The following OVCH1 variants were observed in gnomAD, a reference collection of about 807,000 sequenced individuals.
OVCH1 encodes ovochymase-1.
OVCH1 carries 139 observed loss-of-function variants against 138.4 expected under a neutral mutation model. That is an observed-to-expected ratio of 1.00 (90% CI 0.87 to 1.16). The LOEUF (loss-of-function observed/expected upper bound fraction) is 1.16, where lower values mean the gene tolerates loss of function less well. OVCH1 is among the 50% of genes most tolerant of loss of function. The probability of loss-of-function intolerance (pLI) is 0.00; values close to 1 mark genes in which losing one functional copy is unlikely to be tolerated. For missense variants in OVCH1, 1,367 were observed against 1,357.9 expected (o/e 1.01, Z -0.11); for synonymous variants, 453 against 467.8 (o/e 0.97, Z 0.41).
intron 12 of OVCH1, 142 bp downstream of exon 12, chr12:29,476,957 TTTC>T: frequency 1.0e-6 from 1 of 1,004,878 alleles, no homozygotes; most frequent in Non-Finnish European, 1.4e-6. Flanking sequence ...CTCACAGAGA[TTTC>T]TTTTCAGAGT....
At chr12:29,435,308 C>CAT (rs1941337792) in intron 26 of OVCH1, among the ~76,000 whole-genome samples, 1 of 151,914 alleles carries the variant, frequency 6.6e-6, no homozygotes, top group Non-Finnish European at 1.5e-5. Context: ...ACACTACGAT[C>CAT]ATATCTATGA....
intron 7 of OVCH1, chr12:29,487,240 C>G (rs1280191038): frequency 5.7e-6 from 1 of 174,084 alleles, no homozygotes; most frequent in Non-Finnish European, 1.2e-5. Flanking sequence ...CCACATTTTC[C>G]TAATCTAGAT....
intron 9 of OVCH1, 186 bp from the exon 11 acceptor site, chr12:29,477,664 C>T: frequency 1.4e-6 from 2 of 1,472,624 alleles, no homozygotes; most frequent in Non-Finnish European, 1.9e-6. Flanking sequence ...TCCTTCTCAA[C>T]CCCCCAGTCT....
intron 3 of OVCH1, 143 bp from the exon 4 acceptor site, chr12:29,495,600 T>A (rs1185407045): frequency 5.6e-6 from 4 of 713,926 alleles, no homozygotes; most frequent in Admixed American, 3.5e-5. Context: ...TATTGAGTAT[T>A]ACCAATGGTC....
downstream of OVCH1, among the ~76,000 whole-genome samples, chr12:29,410,827 C>T (rs1460840849): frequency 6.6e-6 from 1 of 150,954 alleles, no homozygotes; most frequent in East Asian, 1.9e-4. Context: ...TTGTGGTGTT[C>T]TCTGTATTTC....
chr12:29,474,617 C>T (rs1460707893), intron 14 of OVCH1, among the ~76,000 whole-genome samples: 1 of 152,134 alleles, frequency 6.6e-6, no homozygotes, highest in Non-Finnish European at 1.5e-5. Flanking sequence ...TTTTCTTATA[C>T]GTTGTCCATT....
At chr12:29,496,472 T>C in intron 2 of OVCH1, 84 bp downstream of exon 2, 1 of 1,305,412 alleles carries the variant, frequency 7.7e-7, no homozygotes, top group Non-Finnish European at 1.1e-6. Flanking sequence ...AAAAACTACA[T>C]ATCAACGTGC....
At chr12:29,407,049 A>G in the OVCH1 span, among the ~76,000 whole-genome samples, 1 of 152,040 alleles carries the variant, frequency 6.6e-6, no homozygotes, top group Non-Finnish European at 1.5e-5. Flanking sequence ...CGTTTCTCTG[A>G]TGGCCAGTGA....
At position 29,440,705 on chromosome 12, in the gene OVCH1, G is replaced by C. The variant is rs138341827; in HGVS notation, c.3158-1271C>G. ...CTGTGGTCTTCTTGGTGCTGAATTG[G>C]CTTAGGAACCAAGAAAGCTCAGTGC... On this transcript the variant is annotated intron_variant, in intron 25 of 27. Transcript: ENST00000318184. 290 of 455,740 alleles carry C rather than the reference G, an allele frequency of 6.4e-4. 2 individuals are homozygous for C. Among genetic ancestry groups the C allele is most frequent in the African/African-American group, 5.3e-3 (267 of 50,172 alleles). 28.2% of individuals were successfully genotyped at this position (455,740 alleles called of 1,614,324 possible).
chr12:29,403,134 G>C, the OVCH1 span, among the ~76,000 whole-genome samples: 1 of 152,102 alleles, frequency 6.6e-6, no homozygotes, highest in Admixed American at 6.5e-5. Flanking sequence ...TCATAATGTG[G>C]ATGTACTAAA....
chr12:29,435,536 A>G (rs933871463), intron 26 of OVCH1, among the ~76,000 whole-genome samples: 2 of 151,926 alleles, frequency 1.3e-5, no homozygotes, highest in Non-Finnish European at 2.9e-5. Flanking sequence ...TTGTATTTTT[A>G]GTAGAGACAG....
At chr12:29,431,912 C>G (rs1436313) in intron 27 of OVCH1, among the ~76,000 whole-genome samples, 3 of 152,128 alleles carry the variant, frequency 2.0e-5, no homozygotes, top group Admixed American at 1.3e-4. Flanking sequence ...AAAATAGACA[C>G]GTTTGTTAAC....
At chr12:29,476,751 G>GCA (rs1942734358) in intron 12 of OVCH1, among the ~76,000 whole-genome samples, 1 of 9,264 alleles carries the variant, frequency 1.1e-4, no homozygotes, top group African/African-American at 1.4e-4. Flanking sequence ...AAGTACACAC[G>GCA]CGCGCACACA....
rs950776166 is a variant in OVCH1 at position 29,489,542 on chromosome 12, G to A, written c.702+78C>T. 3.5e-6 allele frequency: 5 copies of A among 1,416,750 alleles called. No individual in the cohort carries two copies. The African/African-American group carries it at 7.2e-5, about 21-fold the overall frequency. The allele number at this position is 1,416,750 out of a possible 1,614,324, so 87.8% of individuals were successfully genotyped here. ...TTTGACACAGTAATAGAAGAAACAT[G>A]AGCTTCTTTTGGGGAAAGGCAGAAT... On this transcript the variant is annotated intron_variant, in intron 6 of 27. Transcript: ENST00000318184.
At chr12:29,473,155 T>G (rs1388368029) in intron 14 of OVCH1, 52 bp from the exon 15 acceptor site, 2 of 1,279,488 alleles carry the variant, frequency 1.6e-6, no homozygotes, top group East Asian at 5.0e-5. Context: ...TTGCACTAAC[T>G]GACCCCACTT....
intron 20 of OVCH1, 40 bp from the exon 21 acceptor site, chr12:29,454,973 C>A (rs1282036773): frequency 6.6e-7 from 1 of 1,514,164 alleles, no homozygotes; most frequent in Non-Finnish European, 9.1e-7. Flanking sequence ...AAGATGAAAG[C>A]CTGAGAACAA....
At chr12:29,473,240 A>T (rs1276145857) in intron 14 of OVCH1, 137 bp from the exon 15 acceptor site, 1 of 594,138 alleles carries the variant, frequency 1.7e-6, no homozygotes, top group Admixed American at 3.0e-5. Flanking sequence ...TAGATGCCAG[A>T]TCCCAGAAAT....
intron 4 of OVCH1, 36 bp downstream of exon 4, chr12:29,495,241 TTTTCCTCC>T (rs1943381358): frequency 6.5e-7 from 1 of 1,543,154 alleles, no homozygotes; most frequent in Non-Finnish European, 8.8e-7. Flanking sequence ...TAATTAGCAG[TTTTCCTCC>T]ACTGCATTTT....
downstream of OVCH1, among the ~76,000 whole-genome samples, chr12:29,424,803 A>AT (rs1213715234): frequency 6.6e-6 from 1 of 152,228 alleles, no homozygotes; most frequent in East Asian, 1.9e-4. Context: ...CAAAATGTAG[A>AT]TAAAAACAAT....
Sources: gnomAD v4.1 joint callset for allele counts (sites outside exome capture counted in the v4.1 genomes callset) on GRCh38, gnomAD v4.1.1 for gene constraint, MANE v1.5 for transcripts, NCBI Gene and HGNC (gene_info 2026-07-23, HGNC 2026-07-21) for gene names.